Variants in TMEM184B observed in about 807,000 individuals in gnomAD.
TMEM184B encodes transmembrane protein 184B.
A neutral mutation model predicts 41.8 loss-of-function variants in TMEM184B; 17 were observed. The observed-to-expected ratio is 0.41, with a 90% confidence interval of 0.28 to 0.61. The LOEUF (loss-of-function observed/expected upper bound fraction) is 0.61, where lower values mean the gene tolerates loss of function less well. Ranked by LOEUF, TMEM184B falls within the 20% of genes least tolerant of loss-of-function variation. The pLI is 0.34. For synonymous variants in TMEM184B, 240 were observed against 229.5 expected (o/e 1.05, Z -0.41); for missense variants, 393 against 557.8 (o/e 0.70, Z 2.98).
chr22:38,248,531 T>C (rs1256554892), intron 1 of TMEM184B, among the ~76,000 whole-genome samples: 1 of 152,262 alleles, frequency 6.6e-6, no homozygotes, highest in Non-Finnish European at 1.5e-5. Flanking sequence ...GTCTCTACCT[T>C]GACCACCATG....
rs553035267 is a variant in TMEM184B at position 38,272,975 on chromosome 22, T to C, written c.-150A>G. 3 of 245,206 alleles carry C rather than the reference T, an allele frequency of 1.2e-5. No individual in the cohort carries two copies. The highest frequency in any genetic ancestry group is 6.6e-5 in the Admixed American group (1 of 15,228). 15.2% of individuals were successfully genotyped at this position (245,206 alleles called of 1,614,324 possible). On this transcript the variant is annotated 5_prime_UTR_variant, in exon 1 of 9. Coordinates refer to ENST00000361906, the MANE Select transcript of TMEM184B (RefSeq NM_012264.5). ...CGGGCGGCGCCGCAGCCCCGGAGTC[T>C]CCGCCGCCGCCGGCGCGTCCCGGGC...
chr22:38,232,967 C>G (rs1223008521), intron 3 of TMEM184B, among the ~76,000 whole-genome samples: 1 of 152,190 alleles, frequency 6.6e-6, no homozygotes, highest in Non-Finnish European at 1.5e-5. Context: ...CCCACGGAAC[C>G]TGATTTGCAG....
intron 2 of TMEM184B, 102 bp from the exon 3 acceptor site, chr22:38,246,202 G>A: frequency 7.2e-7 from 1 of 1,394,844 alleles, no homozygotes; most frequent in Non-Finnish European, 9.7e-7. Flanking sequence ...GTGACCCGAT[G>A]CACGTGACCT....
chr22:38,227,600 G>C (rs1432912291), intron 5 of TMEM184B, among the ~76,000 whole-genome samples: 1 of 152,216 alleles, frequency 6.6e-6, no homozygotes. Flanking sequence ...GAGGTGACCT[G>C]CAGGAGCCCA....
intron 3 of TMEM184B, 52 bp downstream of exon 3, chr22:38,245,883 T>TGCCCCCCC: frequency 3.1e-5 from 40 of 1,288,700 alleles, no homozygotes; most frequent in Non-Finnish European, 3.4e-5. Flanking sequence ...GGACAGGGGC[T>TGCCCCCCC]CCCAGCCCCC....
At chr22:38,222,155 G>A (rs1275684227) in intron 8 of TMEM184B, 2 of 204,356 alleles carry the variant, frequency 9.8e-6, no homozygotes, top group Non-Finnish European at 2.0e-5. Context: ...GGGAAGTGCT[G>A]TGCTCCCTCT....
intron 8 of TMEM184B, chr22:38,222,497 G>T: frequency 1.4e-6 from 1 of 699,978 alleles, no homozygotes; most frequent in Non-Finnish European, 1.8e-6. Flanking sequence ...GGTGGCCCTT[G>T]ACAGGTGCTC....
intron 3 of TMEM184B, among the ~76,000 whole-genome samples, chr22:38,235,053 C>A (rs1156975057): frequency 2.0e-5 from 3 of 152,210 alleles, no homozygotes; most frequent in African/African-American, 7.2e-5. Flanking sequence ...TGCAGTCCTA[C>A]CTCCAATGAC....
At chr22:38,230,290 G>C (rs1265903614) in intron 5 of TMEM184B, among the ~76,000 whole-genome samples, 5 of 152,252 alleles carry the variant, frequency 3.3e-5, no homozygotes, top group African/African-American at 1.2e-4. Context: ...GCAGAGGCCT[G>C]TTCTGGCGTG....
chr22:38,233,297 C>A (rs1251385250), intron 3 of TMEM184B, among the ~76,000 whole-genome samples: 1 of 152,214 alleles, frequency 6.6e-6, no homozygotes, highest in African/African-American at 2.4e-5. Context: ...ACACATACAG[C>A]AGAGGTATGC....
intron 8 of TMEM184B, among the ~76,000 whole-genome samples, 165 bp downstream of exon 8, chr22:38,224,620 C>T (rs942272553): frequency 4.6e-5 from 7 of 152,194 alleles, no homozygotes; most frequent in Non-Finnish European, 1.0e-4. Context: ...GTGCTGGTGG[C>T]ACCTGCTCTT....
At chr22:38,234,948 A>T (rs1258472430) in intron 3 of TMEM184B, among the ~76,000 whole-genome samples, 1 of 152,166 alleles carries the variant, frequency 6.6e-6, no homozygotes. Context: ...GGGGCTGTGA[A>T]CGTGCAGAGC....
At position 38,258,462 on chromosome 22, in the gene TMEM184B, G is replaced by A. The variant is rs562351506; in HGVS notation, c.-58-10443C>T. ...ATTACAGGCATAAGCCACATGCCCG[G>A]CTAATTTTTGTATTTTTAGTAGAGA... On this transcript the variant is annotated intron_variant, in intron 1 of 8. Transcript: ENST00000361906. Among the ~76,000 whole-genome samples, 54 of 152,094 alleles carry A rather than the reference G, an allele frequency of 3.6e-4. No homozygotes were observed. In the South Asian group the frequency reaches 7.3e-3, roughly 20 times the overall value.
At chr22:38,257,051 G>A (rs924608431) in intron 1 of TMEM184B, among the ~76,000 whole-genome samples, 5 of 143,970 alleles carry the variant, frequency 3.5e-5, no homozygotes, top group Non-Finnish European at 7.5e-5. Context: ...GCGCGATCTC[G>A]ACTCACGGCA....
intron 3 of TMEM184B, among the ~76,000 whole-genome samples, chr22:38,232,718 G>T (rs73427620): frequency 0.017 from 2,545 of 152,164 alleles, 64 homozygotes; most frequent in African/African-American, 0.056. Flanking sequence ...GCCCAGCTTG[G>T]CACTTGATCT....
rs2091384620 is a variant in TMEM184B at position 38,224,937 on chromosome 22, T to C, written c.830A>G (p.Lys277Arg). ...CACCGACACGCGGGCCGAGTGGATT[T>C]TGGGGATGGCCCCACACTTCTCCAG... ...AILEKCGAIP[K>R]IHSARVSVGE... The change falls in exon 8 of 9, where the codon AAA becomes AGA. Residue 277 changes from lysine (K) to arginine (R), a missense_variant. By Grantham distance (26) the Lys-to-Arg change is conservative. Transcript: ENST00000361906. 6.2e-7 allele frequency: 1 copy of C among 1,602,888 alleles called. No individual in the cohort carries two copies. The highest frequency in any genetic ancestry group is 8.5e-7 in the Non-Finnish European group (1 of 1,174,534).
chr22:38,247,216 C>T (rs775386788), intron 2 of TMEM184B, among the ~76,000 whole-genome samples: 15 of 152,354 alleles, frequency 9.8e-5, no homozygotes, highest in Non-Finnish European at 1.6e-4. Context: ...ATCTGCAAAG[C>T]GGTCCCTGTC....
intron 1 of TMEM184B, among the ~76,000 whole-genome samples, chr22:38,255,089 G>A (rs952748959): frequency 1.3e-5 from 2 of 151,796 alleles, no homozygotes; most frequent in East Asian, 1.9e-4. Context: ...GCAGTAGCAC[G>A]ATCCTGGCTC....
chr22:38,232,284 A>G (rs2091652275), intron 3 of TMEM184B: 1 of 152,152 alleles, frequency 6.6e-6, no homozygotes, highest in Admixed American at 6.5e-5. Context: ...CTCCACAAAG[A>G]CCCAAAATTT....
Sources: allele counts gnomAD v4.1 joint callset (sites outside exome capture counted in the v4.1 genomes callset), GRCh38; gene constraint gnomAD v4.1.1; transcripts MANE v1.5; gene names NCBI Gene and HGNC (gene_info 2026-07-23, HGNC 2026-07-21).